Variants in PGM5 observed in about 807,000 individuals in gnomAD.
The protein encoded by PGM5 is phosphoglucomutase 5.
In PGM5, 23 loss-of-function variants were observed where a neutral mutation model predicts 59.2. The ratio of observed to expected loss-of-function variants is 0.39; its 90% CI spans 0.28 to 0.55. PGM5 has a LOEUF of 0.55. Among genes scored for constraint, PGM5 ranks in the 20% least tolerant of loss-of-function variants. The pLI, the probability that PGM5 is intolerant of heterozygous loss-of-function variation, is 0.66. For missense variants in PGM5, 574 were observed against 748.3 expected (o/e 0.77, Z 2.72); for synonymous variants, 214 against 286.0 (o/e 0.75, Z 2.54).
intron 1 of PGM5, among the ~76,000 whole-genome samples, chr9:68,368,642 T>C (rs1255597708): frequency 3.9e-5 from 6 of 152,220 alleles, no homozygotes; most frequent in African/African-American, 1.4e-4. Context: ...TTTTAGGTTT[T>C]TTTTTTCTTT....
chr9:68,442,470 C>T (rs1554683746), intron 6 of PGM5, among the ~76,000 whole-genome samples: 2 of 152,154 alleles, frequency 1.3e-5, no homozygotes, highest in East Asian at 3.9e-4. Context: ...ACCATGTTGG[C>T]CAGGCTGGTC....
intron 6 of PGM5, among the ~76,000 whole-genome samples, chr9:68,426,632 C>T (rs1169943647): frequency 2.0e-5 from 3 of 148,514 alleles, no homozygotes; most frequent in African/African-American, 7.5e-5. Context: ...TTTTTTTGGC[C>T]AATTTCTCTG....
intron 2 of PGM5, among the ~76,000 whole-genome samples, chr9:68,380,753 T>C (rs1171204691): frequency 6.6e-6 from 1 of 151,782 alleles, no homozygotes; most frequent in African/African-American, 2.4e-5. Flanking sequence ...AGTGGAGACA[T>C]TGCAATAGAT....
At chr9:68,404,490 T>C (rs1356511148) in intron 6 of PGM5, among the ~76,000 whole-genome samples, 1 of 152,168 alleles carries the variant, frequency 6.6e-6, no homozygotes, top group East Asian at 1.9e-4. Flanking sequence ...ATCAATTAAG[T>C]ACAATGAGAT....
intron 6 of PGM5, among the ~76,000 whole-genome samples, chr9:68,435,717 C>T (rs1255529252): frequency 6.6e-6 from 1 of 152,152 alleles, no homozygotes; most frequent in Non-Finnish European, 1.5e-5. Flanking sequence ...ATGAATAATG[C>T]TGCTTTAAGA....
At chr9:68,511,545 C>CTTTTTTTTTTTTT (rs3064033) in intron 10 of PGM5, among the ~76,000 whole-genome samples, 1 of 62,728 alleles carries the variant, frequency 1.6e-5, no homozygotes, top group Admixed American at 2.8e-4. Flanking sequence ...TTGTTTTTGC[C>CTTTTTTTTTTTTT]TTTTTTTTTT....
At position 68,356,852 on chromosome 9, in the gene PGM5, C is replaced by T; in HGVS notation, c.-276C>T. On this transcript the variant is annotated 5_prime_UTR_variant, in exon 1 of 11. Transcript: ENST00000396396. ...CAACTTGGGGAGAAACTGAGGGCAG[C>T]TCGGGCGGTCTGGCAGCGGAGAAGG... The T allele has an allele frequency of 2.6e-6, 1 of 378,528 alleles. No homozygotes were observed. The highest frequency in any genetic ancestry group is 4.7e-6 in the Non-Finnish European group (1 of 214,024). 23.4% of individuals were successfully genotyped at this position (378,528 alleles called of 1,614,324 possible). A position where few individuals can be genotyped will look rare whatever the true frequency, so the allele number is the denominator to read the frequency against.
intron 6 of PGM5, chr9:68,397,820 A>T (rs1563993100): frequency 6.6e-6 from 1 of 152,206 alleles, no homozygotes; most frequent in Non-Finnish European, 1.5e-5. Context: ...AAAGATCAGA[A>T]ACAGGTATCT....
intron 2 of PGM5, among the ~76,000 whole-genome samples, chr9:68,383,369 T>C (rs1165348433): frequency 4.6e-5 from 7 of 152,146 alleles, no homozygotes; most frequent in African/African-American, 1.7e-4. Context: ...TATTATACCA[T>C]GTCATCAATA....
At chr9:68,507,587 A>AT (rs11323007) in intron 10 of PGM5, among the ~76,000 whole-genome samples, 67 of 147,534 alleles carry the variant, frequency 4.5e-4, no homozygotes, top group Admixed American at 8.1e-4. Context: ...TGTAATTATA[A>AT]TTTTTTTTTT....
rs782157373 is a variant in PGM5, at chr9:68,479,426, C to A, written c.1168C>A (p.His390Asn). 10 of 1,610,496 alleles carry A rather than the reference C, an allele frequency of 6.2e-6. No homozygotes were observed. The highest frequency in any genetic ancestry group is 3.3e-4 in the Middle Eastern group (2 of 6,040). ...TTTTCTTTCACCTTTAGGCTCTGACCACCTCCGAGAGAAGGATGGCCTGTG... is the reference window on the plus strand; with the variant it reads ...TTTTCTTTCACCTTTAGGCTCTGACAACCTCCGAGAGAAGGATGGCCTGTG... ...GEESFGTGSD[H>N]LREKDGLWAV... The change falls in exon 8 of 11, where the codon CAC (histidine) becomes AAC (asparagine). Residue 390 changes from histidine (H) to asparagine (N), a missense_variant. Around this residue, in one of 7 missense-constraint regions of PGM5, gnomAD observed 300 missense variants for 280.0 expected, o/e 1.07. Coordinates refer to ENST00000396396, the MANE Select transcript of PGM5 (RefSeq NM_021965.4).
intron 6 of PGM5, among the ~76,000 whole-genome samples, chr9:68,401,619 A>AGTGCCACCCAGTCTCG (rs1822668453): frequency 6.6e-6 from 1 of 151,424 alleles, no homozygotes; most frequent in East Asian, 2.0e-4. Context: ...ATCCAGTCTC[A>AGTGCCACCCAGTCTCG]GTGCCACCCA....
At chr9:68,378,519 A>G (rs1554678042) in intron 2 of PGM5, among the ~76,000 whole-genome samples, 158 bp downstream of exon 2, 1 of 152,206 alleles carries the variant, frequency 6.6e-6, no homozygotes, top group Non-Finnish European at 1.5e-5. Context: ...AAGAAGTGGC[A>G]TGATGGGCTC....
intron 6 of PGM5, among the ~76,000 whole-genome samples, chr9:68,459,000 G>A (rs914182700): frequency 1.1e-4 from 17 of 152,088 alleles, no homozygotes; most frequent in African/African-American, 3.9e-4. Flanking sequence ...AAGGGATCTG[G>A]GAGTGAACTC....
chr9:68,527,993 G>A (rs1825016371), intron 10 of PGM5, among the ~76,000 whole-genome samples: 1 of 152,142 alleles, frequency 6.6e-6, no homozygotes, highest in African/African-American at 2.4e-5. Flanking sequence ...ACAATGGATT[G>A]CTTGTGATGT....
chr9:68,369,643 A>G (rs1834746435), intron 1 of PGM5, among the ~76,000 whole-genome samples: 3 of 152,162 alleles, frequency 2.0e-5, no homozygotes, highest in Admixed American at 2.0e-4. Context: ...GGGCCGATTG[A>G]AGAACAAGAC....
intron 10 of PGM5, among the ~76,000 whole-genome samples, chr9:68,524,607 A>G (rs959926474): frequency 6.6e-6 from 1 of 152,224 alleles, no homozygotes; most frequent in Non-Finnish European, 1.5e-5. Flanking sequence ...CACATAACTG[A>G]GAACACCTCT....
chr9:68,516,602 G>T (rs1824828440), intron 10 of PGM5, among the ~76,000 whole-genome samples: 1 of 152,170 alleles, frequency 6.6e-6, no homozygotes, highest in African/African-American at 2.4e-5. Context: ...GAGGTAGTGG[G>T]GTGGGCCTCC....
intron 1 of PGM5, among the ~76,000 whole-genome samples, chr9:68,359,035 C>G (rs571460202): frequency 6.6e-6 from 1 of 152,040 alleles, no homozygotes; most frequent in Non-Finnish European, 1.5e-5. Flanking sequence ...TACTTCTTCC[C>G]GAGCCAATTT....
Sources: allele counts gnomAD v4.1 joint callset (sites outside exome capture counted in the v4.1 genomes callset), GRCh38; gene constraint gnomAD v4.1.1; regional missense constraint gnomAD v4.1.1; transcripts MANE v1.5; gene names NCBI Gene and HGNC (gene_info 2026-07-23, HGNC 2026-07-21).